Variants in VPS13B observed in about 807,000 individuals in gnomAD.
The protein encoded by VPS13B is vacuolar protein sorting 13 homolog B, also known as intermembrane lipid transfer protein VPS13B.
In VPS13B, 285 loss-of-function variants were observed where a neutral mutation model predicts 426.4. The ratio of observed to expected loss-of-function variants is 0.67; its 90% CI spans 0.61 to 0.74. The LOEUF is 0.74. Among genes scored for constraint, VPS13B ranks in the 30% least tolerant of loss-of-function variants. The pLI, the probability that VPS13B is intolerant of heterozygous loss-of-function variation, is 0.00. For synonymous variants in VPS13B, 1,676 were observed against 1,676.4 expected (o/e 1.00, Z 0.01); for missense variants, 4,537 against 4,782.6 (o/e 0.95, Z 1.51).
At chr8:99,137,491 G>C (rs1205805401) in intron 12 of VPS13B, among the ~76,000 whole-genome samples, 1 of 150,814 alleles carries the variant, frequency 6.6e-6, no homozygotes, top group Non-Finnish European at 1.5e-5. Flanking sequence ...TTATAACGTA[G>C]CATGTTAAGA....
intron 19 of VPS13B, among the ~76,000 whole-genome samples, chr8:99,326,349 T>C (rs1314088020): frequency 6.6e-6 from 1 of 151,918 alleles, no homozygotes; most frequent in Non-Finnish European, 1.5e-5. Context: ...TTAAACAATG[T>C]CCTCTTCTAT....
intron 31 of VPS13B, among the ~76,000 whole-genome samples, chr8:99,571,508 C>A (rs1318691001): frequency 1.3e-5 from 2 of 152,158 alleles, no homozygotes; most frequent in South Asian, 2.1e-4. Context: ...GGTCAAAGGT[C>A]TTTCATATTT....
chr8:99,590,564 T>C (rs1234963823), intron 33 of VPS13B, among the ~76,000 whole-genome samples: 2 of 152,178 alleles, frequency 1.3e-5, no homozygotes, highest in Non-Finnish European at 2.9e-5. Flanking sequence ...TCAAAGAACA[T>C]CTTTATTTCT....
chr8:99,089,185 A>G (rs1390474820), intron 3 of VPS13B, among the ~76,000 whole-genome samples: 1 of 152,192 alleles, frequency 6.6e-6, no homozygotes, highest in Non-Finnish European at 1.5e-5. Context: ...TAAAATGAGG[A>G]TATTCTTGCA....
intron 16 of VPS13B, among the ~76,000 whole-genome samples, chr8:99,177,714 C>T (rs1454876410): frequency 1.3e-5 from 2 of 152,156 alleles, no homozygotes; most frequent in African/African-American, 2.4e-5. Context: ...ATGTTTTAAA[C>T]TTAGTAAAAT....
intron 30 of VPS13B, among the ~76,000 whole-genome samples, chr8:99,544,153 G>T (rs552102189): frequency 6.6e-6 from 1 of 151,962 alleles, no homozygotes. Context: ...ATGAGTTCAC[G>T]TCCTTTGTAG....
chr8:99,646,869 C>G (rs941039376), intron 34 of VPS13B, among the ~76,000 whole-genome samples: 2 of 152,064 alleles, frequency 1.3e-5, no homozygotes, highest in Non-Finnish European at 2.9e-5. Context: ...TGCTTTCTGC[C>G]GTGATCATAG....
intron 19 of VPS13B, among the ~76,000 whole-genome samples, chr8:99,300,150 T>C (rs1820281321): frequency 6.6e-6 from 1 of 152,142 alleles, no homozygotes; most frequent in Non-Finnish European, 1.5e-5. Flanking sequence ...TAAGCAAACT[T>C]GTGTGTGTGT....
At chr8:99,057,552 A>G (rs1207009560) in intron 3 of VPS13B, among the ~76,000 whole-genome samples, 1 of 152,066 alleles carries the variant, frequency 6.6e-6, no homozygotes, top group Non-Finnish European at 1.5e-5. Context: ...TCCTTGGATA[A>G]TTTTATTCCC....
chr8:99,743,164 C>T (rs934033916), intron 39 of VPS13B, among the ~76,000 whole-genome samples: 1 of 152,208 alleles, frequency 6.6e-6, no homozygotes, highest in African/African-American at 2.4e-5. Context: ...AAATCACAAG[C>T]ATTCTTATAC....
At chr8:99,020,257 G>A (rs1841819819) in intron 2 of VPS13B, among the ~76,000 whole-genome samples, 1 of 151,952 alleles carries the variant, frequency 6.6e-6, no homozygotes, top group African/African-American at 2.4e-5. Flanking sequence ...CTCTTCTCAT[G>A]TACTTATTAG....
rs575434563 is a variant in VPS13B, at chr8:99,719,494, C to T, written c.6658-851C>T. Among the ~76,000 whole-genome samples the T allele has an allele frequency of 8.5e-5, 13 of 152,276 alleles. No individual in the cohort carries two copies. The South Asian group carries it at 2.7e-3, about 32-fold the overall frequency. ...CAGAACCTAAGGCTAGGGTTTAAAA[C>T]TTACCCACACGATATGGGGCTATTA... On this transcript the variant is annotated intron_variant, in intron 37 of 61. Coordinates refer to ENST00000357162, the MANE Select transcript of VPS13B (RefSeq NM_152564.5).
rs370480636 is a variant in VPS13B at position 99,786,734 on chromosome 8, C to A, written c.7941+2258C>A. On this transcript the variant is annotated intron_variant, in intron 43 of 61. Transcript: ENST00000357162. ...TGCAGTCATTATAATCTTCTTAAGACTAAAACCTAGATAACCTAGATAATA... is the reference window on the plus strand; with the variant it reads ...TGCAGTCATTATAATCTTCTTAAGAATAAAACCTAGATAACCTAGATAATA... Among the ~76,000 whole-genome samples, 132 of 152,266 alleles carry A rather than the reference C, an allele frequency of 8.7e-4. 2 individuals carry two copies. The South Asian group carries it at 0.015, about 18-fold the overall frequency.
chr8:99,074,044 AG>A (rs1844983575), intron 3 of VPS13B, among the ~76,000 whole-genome samples: 1 of 152,302 alleles, frequency 6.6e-6, no homozygotes, highest in African/African-American at 2.4e-5. Flanking sequence ...CTGGGATTAC[AG>A]GTGTGAACCA....
chr8:99,217,439 C>T (rs1815447450), intron 17 of VPS13B, among the ~76,000 whole-genome samples: 2 of 152,176 alleles, frequency 1.3e-5, no homozygotes, highest in African/African-American at 4.8e-5. Flanking sequence ...AAATGTGATT[C>T]AGAGATAATT....
Position 99,259,750 on chromosome 8 carries a change from G to C in VPS13B, c.2516-14448G>C, listed in dbSNP as rs528391040. On this transcript the variant is annotated intron_variant, in intron 17 of 61. Transcript: ENST00000357162. ...CTTAGTGGGCTAATTACATCCCTGA[G>C]TGTCTAGTAGTAAGTACAAGTATTT... 2.0e-5 allele frequency among the ~76,000 whole-genome samples: 3 copies of C among 152,114 alleles called. No individual in the cohort carries two copies. In the South Asian group the frequency reaches 6.2e-4, roughly 32 times the overall value.
At chr8:99,850,465 A>G (rs963741127) in intron 55 of VPS13B, among the ~76,000 whole-genome samples, 2 of 152,100 alleles carry the variant, frequency 1.3e-5, no homozygotes, top group African/African-American at 4.8e-5. Flanking sequence ...AAAACTCAAA[A>G]TTGGTAACAG....
In VPS13B at chr8:99,738,960, G is replaced by A. The variant is rs534410017; in HGVS notation, c.7050+17913G>A. 7.9e-5 allele frequency among the ~76,000 whole-genome samples: 12 copies of A among 152,344 alleles called. No homozygotes were observed. The East Asian group carries it at 2.3e-3, about 29-fold the overall frequency. The stretch of plus-strand genomic sequence containing the variant: ...GGTACCAGGTTCATCTCACTGGGGA[G>A]TGTTGGAAAGTGGGTGCAGGACAGT... On this transcript the variant is annotated intron_variant, in intron 39 of 61. Coordinates refer to ENST00000357162, the MANE Select transcript of VPS13B (RefSeq NM_152564.5).
intron 33 of VPS13B, among the ~76,000 whole-genome samples, chr8:99,614,371 G>A (rs1030661520): frequency 2.0e-5 from 3 of 151,960 alleles, no homozygotes; most frequent in Admixed American, 1.3e-4. Context: ...TCCGCCTCCC[G>A]GGTTCAAGCG....
Sources: gnomAD v4.1 joint callset for allele counts (sites outside exome capture counted in the v4.1 genomes callset) on GRCh38, gnomAD v4.1.1 for gene constraint, MANE v1.5 for transcripts, NCBI Gene and HGNC (gene_info 2026-07-23, HGNC 2026-07-21) for gene names.